KCND2: variants seen among roughly 807,000 people sequenced by gnomAD.
KCND2 encodes A-type voltage-gated potassium channel KCND2.
A neutral mutation model predicts 54.4 loss-of-function variants in KCND2; 16 were observed. The ratio of observed to expected loss-of-function variants is 0.29; its 90% CI spans 0.20 to 0.45. The LOEUF (loss-of-function observed/expected upper bound fraction) is 0.45, where lower values mean the gene tolerates loss of function less well. KCND2 is among the 20% of genes least tolerant of loss of function. The pLI is 1.00. For missense variants in KCND2, 486 were observed against 824.2 expected, an observed-to-expected ratio of 0.59 and a Z score of 5.02; for synonymous variants, 317 against 310.7, an observed-to-expected ratio of 1.02 and a Z score of -0.21.
chr7:120,697,800 G>T (rs949686069), intron 1 of KCND2, among the ~76,000 whole-genome samples: 1 of 152,116 alleles, frequency 6.6e-6, no homozygotes, highest in Non-Finnish European at 1.5e-5. Flanking sequence ...TAAGATTGAA[G>T]AAATATTCTT....
rs1164073170 is a variant in KCND2 at position 120,274,801 on chromosome 7, G to A, written c.169G>A (p.Asp57Asn). The A allele has an allele frequency of 4.3e-6, 7 of 1,613,974 alleles. No individual in the cohort carries two copies. Among genetic ancestry groups the A allele is most frequent in the South Asian group, 1.1e-5 (1 of 91,086 alleles). ...VSGTRFQTWQ[D>N]TLERYPDTLL... ...TGGCACCCGCTTCCAGACGTGGCAGGACACCCTGGAACGTTACCCAGACAC... is the reference window on the plus strand; with the variant it reads ...TGGCACCCGCTTCCAGACGTGGCAGAACACCCTGGAACGTTACCCAGACAC... Residue 57 changes from aspartate (D) to asparagine (N), a missense_variant, in exon 1 of 6, where the codon GAC becomes AAC. This residue lies in a region of KCND2 where 231 missense variants were observed against 386.0 expected (regional missense o/e 0.60). Transcript: ENST00000331113.
At chr7:120,579,634 AAAT>A (rs1792488786) in intron 1 of KCND2, among the ~76,000 whole-genome samples, 1 of 140,232 alleles carries the variant, frequency 7.1e-6, no homozygotes, top group South Asian at 2.1e-4. Flanking sequence ...ATAAATAAAT[AAAT>A]AAATAAATAA....
intron 1 of KCND2, among the ~76,000 whole-genome samples, chr7:120,333,420 CTATCAAT>C (rs1366844029): frequency 6.6e-6 from 1 of 151,984 alleles, no homozygotes; most frequent in Non-Finnish European, 1.5e-5. Context: ...CAGGTTGTTA[CTATCAAT>C]TACCAGAAGA....
At chr7:120,551,039 C>T (rs141470413) in intron 1 of KCND2, among the ~76,000 whole-genome samples, 2 of 152,274 alleles carry the variant, frequency 1.3e-5, no homozygotes, top group African/African-American at 4.8e-5. Flanking sequence ...AACCAATTGG[C>T]ATTAAAGTTC....
intron 1 of KCND2, among the ~76,000 whole-genome samples, chr7:120,384,363 A>G (rs62471543): frequency 0.1 from 15,532 of 152,106 alleles, 833 homozygotes; most frequent in Admixed American, 0.13. Context: ...AACAGGAAGC[A>G]AAAGACTGTC....
At chr7:120,467,146 C>T (rs1252622142) in intron 1 of KCND2, among the ~76,000 whole-genome samples, 1 of 152,002 alleles carries the variant, frequency 6.6e-6, no homozygotes, top group Non-Finnish European at 1.5e-5. Context: ...TTCGGGGAGC[C>T]ATTACTAAGC....
At chr7:120,551,444 G>T (rs200852109) in intron 1 of KCND2, among the ~76,000 whole-genome samples, 9 of 152,232 alleles carry the variant, frequency 5.9e-5, no homozygotes, top group East Asian at 1.9e-4. Context: ...ATATAATTTT[G>T]AATCATTCAA....
intron 1 of KCND2, among the ~76,000 whole-genome samples, chr7:120,519,001 T>G (rs1170958225): frequency 6.6e-6 from 1 of 152,052 alleles, no homozygotes; most frequent in African/African-American, 2.4e-5. Flanking sequence ...ATGTTGTTGC[T>G]GGTTTGCAAA....
chr7:120,363,222 CA>C (rs1380429560), intron 1 of KCND2, among the ~76,000 whole-genome samples: 1 of 151,948 alleles, frequency 6.6e-6, no homozygotes, highest in African/African-American at 2.4e-5. Flanking sequence ...CTTGAGCCTG[CA>C]ATGTAGAAGT....
intron 1 of KCND2, among the ~76,000 whole-genome samples, chr7:120,443,308 T>G (rs1801968799): frequency 6.6e-6 from 1 of 151,312 alleles, no homozygotes; most frequent in Non-Finnish European, 1.5e-5. Flanking sequence ...TCAGAAAAAT[T>G]TGAAGGTTTC....
At chr7:120,549,709 G>A (rs919265035) in intron 1 of KCND2, among the ~76,000 whole-genome samples, 11 of 152,212 alleles carry the variant, frequency 7.2e-5, no homozygotes, top group African/African-American at 1.2e-4. Context: ...TTCAGTTCAT[G>A]CTGAGTTTTA....
intron 1 of KCND2, among the ~76,000 whole-genome samples, chr7:120,524,283 A>G (rs1006074445): frequency 7.9e-5 from 12 of 152,088 alleles, no homozygotes; most frequent in African/African-American, 2.7e-4. Flanking sequence ...AAAGATGTAT[A>G]CTAAGAATAA....
At chr7:120,441,450 G>T (rs1213292948) in intron 1 of KCND2, among the ~76,000 whole-genome samples, 3 of 152,002 alleles carry the variant, frequency 2.0e-5, no homozygotes, top group Non-Finnish European at 2.9e-5. Flanking sequence ...TGATTTTGAG[G>T]CTCATTTTTC....
chr7:120,696,460 G>T (rs1430573407), intron 1 of KCND2, among the ~76,000 whole-genome samples: 1 of 152,158 alleles, frequency 6.6e-6, no homozygotes, highest in Non-Finnish European at 1.5e-5. Flanking sequence ...ATTTGGCCAT[G>T]TTACAAAACT....
At chr7:120,305,656 C>T (rs1367597236) in intron 1 of KCND2, among the ~76,000 whole-genome samples, 1 of 152,108 alleles carries the variant, frequency 6.6e-6, no homozygotes, top group Non-Finnish European at 1.5e-5. Context: ...CCTTTCTTTT[C>T]CCAACCCTCC....
At chr7:120,543,408 A>C (rs116987280) in intron 1 of KCND2, among the ~76,000 whole-genome samples, 2,574 of 152,060 alleles carry the variant, frequency 0.017, 26 homozygotes, top group East Asian at 0.036. Context: ...GATACACACA[A>C]AAAAAAGAGA....
chr7:120,282,542 C>T (rs921138653), intron 1 of KCND2, among the ~76,000 whole-genome samples: 1 of 151,954 alleles, frequency 6.6e-6, no homozygotes, highest in Non-Finnish European at 1.5e-5. Context: ...ATGTAATGAT[C>T]TAAATCATTA....
At position 120,274,520 on chromosome 7, in the gene KCND2, A is replaced by G. The variant is rs1799142076; in HGVS notation, c.-113A>G. Reference sequence around the variant, plus strand: ...CTTGGAATAAGAGTTACACCTCTGGACCACGTTTCTCACTAGTACTTTGCT... The same window carrying G: ...CTTGGAATAAGAGTTACACCTCTGGGCCACGTTTCTCACTAGTACTTTGCT... On this transcript the variant is annotated 5_prime_UTR_variant, in exon 1 of 6. Coordinates refer to ENST00000331113, the MANE Select transcript of KCND2 (RefSeq NM_012281.3). 5.8e-6 allele frequency: 7 copies of G among 1,204,916 alleles called. No homozygotes were observed. The South Asian group carries it at 8.6e-5, about 15-fold the overall frequency. 74.6% of individuals were successfully genotyped at this position (1,204,916 alleles called of 1,614,324 possible).
intron 3 of KCND2, 62 bp from the exon 4 acceptor site, chr7:120,742,448 G>C: frequency 7.8e-7 from 1 of 1,287,814 alleles, no homozygotes; most frequent in Non-Finnish European, 1.1e-6. Context: ...GAAATATGTA[G>C]CCGAGGTTCG....
Sources: allele counts gnomAD v4.1 joint callset (sites outside exome capture counted in the v4.1 genomes callset), GRCh38; gene constraint gnomAD v4.1.1; regional missense constraint gnomAD v4.1.1; transcripts MANE v1.5; gene names NCBI Gene and HGNC (gene_info 2026-07-23, HGNC 2026-07-21).